The following GLS variants were observed in gnomAD, a reference collection of about 807,000 sequenced individuals.
The protein encoded by GLS is glutaminase kidney isoform, mitochondrial.
Under a neutral mutation model 86.7 loss-of-function variants are expected in GLS, and 36 were observed. The observed-to-expected ratio is 0.42, with a 90% CI of 0.32 to 0.55. The LOEUF (loss-of-function observed/expected upper bound fraction) is 0.55. Among genes scored for constraint, GLS ranks in the 20% least tolerant of loss-of-function variants. The probability of loss-of-function intolerance (pLI) is 0.17; values close to 1 mark genes in which losing one functional copy is unlikely to be tolerated. For synonymous variants in GLS, 317 were observed against 305.9 expected, an observed-to-expected ratio of 1.04 and a Z score of -0.38; for missense variants, 528 against 833.4, an observed-to-expected ratio of 0.63 and a Z score of 4.51.
At position 190,938,127 on chromosome 2, in the gene GLS, A is replaced by G. The variant is rs1266480967; in HGVS notation, c.1650+6490A>G. 6.6e-6 allele frequency among the ~76,000 whole-genome samples: 1 copy of G among 151,474 alleles called. No homozygotes were observed. Among genetic ancestry groups the G allele is most frequent in the Non-Finnish European group, 1.5e-5 (1 of 67,476 alleles). On this transcript the variant is annotated intron_variant, in intron 14 of 17. Coordinates refer to ENST00000320717, the MANE Select transcript of GLS (RefSeq NM_014905.5). The surrounding 1 kb of genome is among the most constrained non-coding windows in gnomAD (Gnocchi z 4.1). ...AATTCATTGTATTTATTTTTAAGCCATATTTCAATATCTGAGGATATGATT... is the reference window on the plus strand; with the variant it reads ...AATTCATTGTATTTATTTTTAAGCCGTATTTCAATATCTGAGGATATGATT...
chr2:190,921,209 T>C lies in GLS; in HGVS notation c.1130+6T>C. On this transcript the variant is annotated splice_donor_region_variant and intron_variant, in intron 9 of 17. Coordinates refer to ENST00000320717, the MANE Select transcript of GLS (RefSeq NM_014905.5). This position sits in a 1 kb window ranked among gnomAD's most constrained non-coding sequence, Gnocchi z 4.2. ...GTTGGATTCAGTAATGCAACGTGAG[T>C]GTTTTAAATACTGTTTTGTTACGTA... is the stretch of plus-strand genomic sequence containing the variant. The C allele has an allele frequency of 6.4e-7, 1 of 1,569,978 alleles. No individual in the cohort carries two copies. The highest frequency in any genetic ancestry group is 8.8e-7 in the Non-Finnish European group (1 of 1,140,314).
intron 3 of GLS, chr2:190,896,488 C>T (rs1467328486): frequency 2.0e-5 from 3 of 152,118 alleles, no homozygotes; most frequent in Non-Finnish European, 2.9e-5. Flanking sequence ...TTGGCTTTTT[C>T]CAGACATGGA....
chr2:190,912,327 A>T (rs1689387177), intron 7 of GLS, among the ~76,000 whole-genome samples: 1 of 142,192 alleles, frequency 7.0e-6, no homozygotes, highest in Admixed American at 7.1e-5. Flanking sequence ...TTTTGTTTTT[A>T]GCATGTGTTT....
intron 1 of GLS, among the ~76,000 whole-genome samples, chr2:190,885,251 G>A (rs907302941): frequency 5.3e-5 from 8 of 152,058 alleles, no homozygotes; most frequent in Admixed American, 2.6e-4. Context: ...GAGTGCAGTG[G>A]TGTGATCTCG....
rs1298939260 is a variant in GLS, at chr2:190,954,113, A to C, written c.1713-471A>C. Among the ~76,000 whole-genome samples the C allele has an allele frequency of 6.6e-6, 1 of 150,904 alleles. No individual in the cohort carries two copies. The highest frequency in any genetic ancestry group is 1.9e-4 in the East Asian group (1 of 5,154). ...ACTTATTTTCTTTTTTTTTTCTCCC[A>C]TTAATACCTCAAATAACTGATTTTC... On this transcript the variant is annotated intron_variant, in intron 15 of 17. Transcript: ENST00000320717. This position sits in a 1 kb window ranked among gnomAD's most constrained non-coding sequence, Gnocchi z 4.0.
chr2:190,923,135 C>G (rs1689798878), intron 9 of GLS, among the ~76,000 whole-genome samples: 1 of 152,170 alleles, frequency 6.6e-6, no homozygotes, highest in African/African-American at 2.4e-5. Context: ...CTTAATAGAT[C>G]AGTCATCACT....
chr2:190,923,136 A>G (rs1689799062), intron 9 of GLS, among the ~76,000 whole-genome samples: 1 of 152,188 alleles, frequency 6.6e-6, no homozygotes, highest in Admixed American at 6.5e-5. Flanking sequence ...TTAATAGATC[A>G]GTCATCACTT....
chr2:190,905,840 CT>C lies in GLS; in HGVS notation c.979+675del, dbSNP rs1689114539. ...CATGGTTTGGTTTCTGTTTTTTAAT[CT>C]TCTAAGCATATGCTGTGTTTCTGAT... On this transcript the variant is annotated intron_variant, in intron 6 of 17. Coordinates refer to ENST00000320717, the MANE Select transcript of GLS (RefSeq NM_014905.5). The surrounding 1 kb of genome is among the most constrained non-coding windows in gnomAD (Gnocchi z 4.6). Among the ~76,000 whole-genome samples the C allele has an allele frequency of 6.6e-6, 1 of 152,012 alleles. No homozygotes were observed. Among genetic ancestry groups the C allele is most frequent in the Admixed American group, 6.5e-5 (1 of 15,272 alleles).
intron 17 of GLS, among the ~76,000 whole-genome samples, chr2:190,958,792 A>G (rs948101620): frequency 6.6e-6 from 1 of 152,054 alleles, no homozygotes; most frequent in Non-Finnish European, 1.5e-5. Context: ...AACTGTTATG[A>G]TTTTTGTTCT....
chr2:190,935,294 ATTGTTTTTT>A lies in GLS; in HGVS notation c.1650+3665_1650+3673del. ...AATAAATTTATTTTAAGCTGATTTT[ATTGTTTTTT>A]TTGTTTTGTTTTGTTTTGTTTTTAT... On this transcript the variant is annotated intron_variant, in intron 14 of 17. Transcript: ENST00000320717. The surrounding 1 kb of genome is among the most constrained non-coding windows in gnomAD (Gnocchi z 4.2). 1.9e-6 allele frequency: 1 copy of A among 520,180 alleles called. No homozygotes were observed. Among genetic ancestry groups the A allele is most frequent in the Non-Finnish European group, 2.5e-6 (1 of 405,260 alleles). The allele number at this position is 520,180 out of a possible 1,614,324, so 32.2% of individuals were successfully genotyped here.
At chr2:190,957,419 T>C (rs1028473616) in intron 17 of GLS, among the ~76,000 whole-genome samples, 3 of 152,132 alleles carry the variant, frequency 2.0e-5, no homozygotes, top group South Asian at 2.1e-4. Context: ...TGCCTGATTG[T>C]CCTAGCCAGA....
At chr2:190,910,933 GTT>G (rs772090775) in intron 7 of GLS, among the ~76,000 whole-genome samples, 2 of 129,944 alleles carry the variant, frequency 1.5e-5, no homozygotes, top group Non-Finnish European at 1.7e-5. Context: ...CATTGTAAGG[GTT>G]TTTTTTTTTT....
chr2:190,930,653 C>A lies in GLS; in HGVS notation c.1557+85C>A. 7.7e-7 allele frequency: 1 copy of A among 1,300,940 alleles called. No homozygotes were observed. 80.6% of individuals were successfully genotyped at this position (1,300,940 alleles called of 1,614,324 possible). On this transcript the variant is annotated intron_variant, in intron 13 of 17. Coordinates refer to ENST00000320717, the MANE Select transcript of GLS (RefSeq NM_014905.5). This position sits in a 1 kb window ranked among gnomAD's most constrained non-coding sequence, Gnocchi z 5.0. ...TTTTTTTAACCCATTTTCCATAGTTCATTAACTCTTGGCCCTCCGCCTATA... is the reference window on the plus strand; with the variant it reads ...TTTTTTTAACCCATTTTCCATAGTTAATTAACTCTTGGCCCTCCGCCTATA...
chr2:190,903,886 C>T (rs1019372620), intron 5 of GLS, among the ~76,000 whole-genome samples: 1 of 152,072 alleles, frequency 6.6e-6, no homozygotes, highest in Non-Finnish European at 1.5e-5. Context: ...TGAATGAATG[C>T]TTTGTGATGT....
chr2:190,937,639 T>A (rs1286768106), intron 14 of GLS, among the ~76,000 whole-genome samples: 7 of 151,374 alleles, frequency 4.6e-5, no homozygotes, highest in Non-Finnish European at 1.0e-4. Context: ...TTGTTTGCCA[T>A]TTCTATTTTG....
intron 1 of GLS, among the ~76,000 whole-genome samples, chr2:190,883,207 C>G (rs890941095): frequency 6.6e-6 from 1 of 152,182 alleles, no homozygotes; most frequent in Non-Finnish European, 1.5e-5. Flanking sequence ...TAGCAAGGGC[C>G]TCAAGGTTGT....
At chr2:190,936,190 AAG>A (rs1460392810) in intron 14 of GLS, among the ~76,000 whole-genome samples, 2 of 151,044 alleles carry the variant, frequency 1.3e-5, no homozygotes, top group African/African-American at 4.8e-5. Flanking sequence ...ATTTGAAGTA[AAG>A]AGAGAGGAGA....
rs1286829871 is a variant in GLS at position 190,935,423 on chromosome 2, T to C, written c.1650+3786T>C. The C allele has an allele frequency of 6.6e-6, 1 of 152,508 alleles. No homozygotes were observed. Among genetic ancestry groups the C allele is most frequent in the African/African-American group, 2.4e-5 (1 of 41,424 alleles). The allele number at this position is 152,508 out of a possible 1,614,324, so 9.4% of individuals were successfully genotyped here. A position where few individuals can be genotyped will look rare whatever the true frequency, so the allele number is the denominator to read the frequency against. ...AAGATACTGTTAAAGTGTTTGCTATTCTGAAGCTGCCTCAAAGTAAACTAG... is the reference window on the plus strand; with the variant it reads ...AAGATACTGTTAAAGTGTTTGCTATCCTGAAGCTGCCTCAAAGTAAACTAG... On this transcript the variant is annotated intron_variant, in intron 14 of 17. Coordinates refer to ENST00000320717, the MANE Select transcript of GLS (RefSeq NM_014905.5). This position sits in a 1 kb window ranked among gnomAD's most constrained non-coding sequence, Gnocchi z 4.2.
chr2:190,931,100 G>A (rs960212701), intron 13 of GLS, among the ~76,000 whole-genome samples: 1 of 152,102 alleles, frequency 6.6e-6, no homozygotes, highest in African/African-American at 2.4e-5. Context: ...TTGATTACTT[G>A]CTTGAGTTCA....
Sources: allele counts gnomAD v4.1 joint callset (sites outside exome capture counted in the v4.1 genomes callset), GRCh38; gene constraint gnomAD v4.1.1; non-coding constraint Gnocchi (gnomAD v3.1); transcripts MANE v1.5; gene names NCBI Gene and HGNC (gene_info 2026-07-23, HGNC 2026-07-21).